Variants in EIF2D observed in about 807,000 individuals in gnomAD.
The protein encoded by EIF2D is hepatocellular carcinoma-associated antigen 56.
A neutral mutation model predicts 77.4 loss-of-function variants in EIF2D; 56 were observed. The ratio of observed to expected loss-of-function variants is 0.72; its 90% CI spans 0.58 to 0.90. The LOEUF (loss-of-function observed/expected upper bound fraction) is 0.90, where lower values mean the gene tolerates loss of function less well. EIF2D is among the 40% of genes least tolerant of loss of function. The pLI, the probability that EIF2D is intolerant of heterozygous loss-of-function variation, is 0.00. For missense variants in EIF2D, 574 were observed against 706.5 expected (o/e 0.81, Z 2.13); for synonymous variants, 230 against 271.0 (o/e 0.85, Z 1.49).
chr1:206,604,890 AAC>A (rs1234688197), intron 5 of EIF2D: 1 of 152,242 alleles, frequency 6.6e-6, no homozygotes, highest in East Asian at 1.9e-4. Flanking sequence ...CCAGAAAATG[AAC>A]AGGTACGCGT....
chr1:206,587,208 A>C, downstream of EIF2D: 1 of 508,970 alleles, frequency 2.0e-6, no homozygotes, highest in Non-Finnish European at 3.6e-6. Flanking sequence ...ATCAGAACTC[A>C]TGTGAAACAA....
chr1:206,585,474 C>A (rs1669076752), intron 2 of EIF2D: 1 of 573,044 alleles, frequency 1.7e-6, no homozygotes, highest in Admixed American at 2.8e-5. Flanking sequence ...AGCCAGGACT[C>A]TGAACACCCT....
intron 4 of EIF2D, among the ~76,000 whole-genome samples, chr1:206,574,946 G>T (rs571405918): frequency 7.0e-6 from 1 of 143,110 alleles, no homozygotes; most frequent in South Asian, 2.2e-4. Flanking sequence ...TGCAACCTCT[G>T]CCTCCCAGGT....
intron 12 of EIF2D, among the ~76,000 whole-genome samples, chr1:206,596,879 T>C (rs560794429): frequency 3.7e-4 from 56 of 152,070 alleles, no homozygotes; most frequent in African/African-American, 1.3e-3. Context: ...TAATGTTCCT[T>C]TTTGTTCTTC....
intron 4 of EIF2D, among the ~76,000 whole-genome samples, chr1:206,574,697 G>A (rs1668570543): frequency 6.6e-6 from 1 of 152,066 alleles, no homozygotes; most frequent in South Asian, 2.1e-4. Flanking sequence ...TGCCATAGAG[G>A]GACCTGTGGA....
At chr1:206,578,510 CAAAT>C (rs1212579435) in intron 4 of EIF2D, among the ~76,000 whole-genome samples, 1 of 152,048 alleles carries the variant, frequency 6.6e-6, no homozygotes, top group African/African-American at 2.4e-5. Flanking sequence ...AAGAGCTTGA[CAAAT>C]AAAGTGACTT....
downstream of EIF2D, chr1:206,586,883 G>A (rs782502649): frequency 1.2e-5 from 19 of 1,614,108 alleles, no homozygotes; most frequent in South Asian, 9.9e-5. Context: ...GGAAAAAGAG[G>A]AGCAGGACAA....
In EIF2D at chr1:206,608,360, C is replaced by T. The variant is rs782549768; in HGVS notation, c.332-34G>A. The T allele has an allele frequency of 4.5e-6, 7 of 1,568,882 alleles. No individual in the cohort carries two copies. The South Asian group carries it at 7.9e-5, about 18-fold the overall frequency. ...AACAAAAAAAATCACAACCTGCATTCAGCCTCCATCTCACTCTGCGTTTTA... is the reference window on the plus strand; with the variant it reads ...AACAAAAAAAATCACAACCTGCATTTAGCCTCCATCTCACTCTGCGTTTTA... On this transcript the variant is annotated intron_variant, in intron 3 of 14. Transcript: ENST00000271764.
chr1:206,609,193 A>G (rs1670347972), intron 3 of EIF2D, among the ~76,000 whole-genome samples, 183 bp downstream of exon 3: 1 of 152,268 alleles, frequency 6.6e-6, no homozygotes, highest in African/African-American at 2.4e-5. Context: ...AAGCCTTACA[A>G]CAGGGCCAGA....
chr1:206,602,283 G>A (rs1331970227), intron 7 of EIF2D, 53 bp downstream of exon 7: 2 of 1,427,326 alleles, frequency 1.4e-6, no homozygotes, highest in Admixed American at 1.7e-5. Flanking sequence ...CTACCAAGGA[G>A]CACACGTGAG....
Position 206,609,417 on chromosome 1 carries a change from G to A in EIF2D, c.290C>T (p.Thr97Ile), listed in dbSNP as rs782290015. ...WSYPDLLPTFTTWPLVLEKLV... is the reference protein window; with the variant it reads ...WSYPDLLPTFITWPLVLEKLV... ...TTTCTCGAGCACCAGAGGCCATGTT[G>A]TAAAGGTTGGCAGAAGATCAGGATA... is the stretch of plus-strand genomic sequence containing the variant. The change falls in exon 3 of 15, where the codon ACA becomes ATA. Residue 97 changes from threonine (T) to isoleucine (I), a missense_variant. Coordinates refer to ENST00000271764, the MANE Select transcript of EIF2D (RefSeq NM_006893.3). 41 of 1,614,098 alleles carry A rather than the reference G, an allele frequency of 2.5e-5. No individual in the cohort carries two copies. Among genetic ancestry groups the A allele is most frequent in the Non-Finnish European group, 3.3e-5 (39 of 1,180,030 alleles).
intron 2 of EIF2D, chr1:206,585,504 T>C (rs557246081): frequency 1.7e-4 from 77 of 443,926 alleles, no homozygotes; most frequent in African/African-American, 1.4e-3. Flanking sequence ...CATTAGGGCC[T>C]GTGTGTGGCA....
At chr1:206,572,587 C>T (rs1358595901) in intron 5 of EIF2D, 1 of 152,206 alleles carries the variant, frequency 6.6e-6, no homozygotes, top group Non-Finnish European at 1.5e-5. Context: ...GACAGTCAGT[C>T]GCCCTACCTG....
chr1:206,597,431 T>A (rs536755773), intron 11 of EIF2D, among the ~76,000 whole-genome samples: 113 of 152,312 alleles, frequency 7.4e-4, no homozygotes, highest in Admixed American at 1.9e-3. Flanking sequence ...ATCAGGAGCC[T>A]TTGCTACTAA....
At chr1:206,585,129 C>T in intron 2 of EIF2D, 1 of 1,409,766 alleles carries the variant, frequency 7.1e-7, no homozygotes, top group Middle Eastern at 2.0e-4. Flanking sequence ...AAGCCTGGGC[C>T]CCGCCCTTCT....
At chr1:206,578,989 T>C (rs996800066) in intron 4 of EIF2D, among the ~76,000 whole-genome samples, 5 of 152,200 alleles carry the variant, frequency 3.3e-5, no homozygotes, top group Non-Finnish European at 7.3e-5. Flanking sequence ...CTCCTTATTT[T>C]GTTAAGAATA....
At chr1:206,591,190 T>C (rs115159990), downstream of EIF2D, among the ~76,000 whole-genome samples, 1,080 of 152,320 alleles carry the variant, frequency 7.1e-3, 10 homozygotes, top group African/African-American at 0.025. Context: ...ATTTACCAGT[T>C]AGTGGCAGTG....
chr1:206,573,520 G>C (rs1373932632), intron 4 of EIF2D, among the ~76,000 whole-genome samples: 1 of 152,194 alleles, frequency 6.6e-6, no homozygotes, highest in African/African-American at 2.4e-5. Flanking sequence ...GAAATCCAAG[G>C]CTCACTACTG....
intron 2 of EIF2D, chr1:206,585,163 CCT>C: frequency 6.3e-7 from 1 of 1,596,556 alleles, no homozygotes; most frequent in Non-Finnish European, 8.6e-7. Flanking sequence ...CTCCCAGCAC[CCT>C]CTCTTGGTTT....
Sources: gnomAD v4.1 joint callset for allele counts (sites outside exome capture counted in the v4.1 genomes callset) on GRCh38, gnomAD v4.1.1 for gene constraint, MANE v1.5 for transcripts, NCBI Gene and HGNC (gene_info 2026-07-23, HGNC 2026-07-21) for gene names.